RUNDC3B: variants seen among roughly 807,000 people sequenced by gnomAD.
RUNDC3B encodes RUN domain containing 3B, also known as RUN domain-containing protein 3B.
RUNDC3B carries 33 observed loss-of-function variants against 58.4 expected under a neutral mutation model. That is an observed-to-expected ratio of 0.56 (90% CI 0.43 to 0.75). The LOEUF is 0.75. Ranked by LOEUF, RUNDC3B falls within the 30% of genes least tolerant of loss-of-function variation. The pLI is 0.00. For synonymous variants in RUNDC3B, 193 were observed against 195.2 expected (o/e 0.99, Z 0.10); for missense variants, 501 against 535.7 (o/e 0.94, Z 0.64).
intron 2 of RUNDC3B, chr7:87,693,989 T>C (rs1480731227): frequency 5.6e-6 from 9 of 1,610,648 alleles, no homozygotes; most frequent in Non-Finnish European, 7.6e-6. Flanking sequence ...CTCCCGCCAC[T>C]GAGCTGCACG....
intron 8 of RUNDC3B, among the ~76,000 whole-genome samples, chr7:87,784,705 T>TAGGGGAGATGTGGTG (rs1191209501): frequency 9.3e-6 from 1 of 107,768 alleles, no homozygotes; most frequent in Non-Finnish European, 1.8e-5. Flanking sequence ...GATGTGGTGG[T>TAGGGGAGATGTGGTG]AGGGGAGATG....
chr7:87,735,330 A>T lies in RUNDC3B; in HGVS notation c.459-4461A>T, dbSNP rs146379833. On this transcript the variant is annotated intron_variant, in intron 4 of 10. Coordinates refer to ENST00000394654, the MANE Select transcript of RUNDC3B (RefSeq NM_001134405.2). ...TCTTACAGTCATCTAGACCTCTTTT[A>T]TCTGTTGCCTAAGGCTCACCTGTTG... 2.1e-3 allele frequency among the ~76,000 whole-genome samples: 327 copies of T among 152,186 alleles called. 1 individual carries two copies. Among genetic ancestry groups the T allele is most frequent in the African/African-American group, 7.0e-3 (292 of 41,514 alleles).
intron 4 of RUNDC3B, among the ~76,000 whole-genome samples, chr7:87,721,198 T>TA (rs1252697060): frequency 6.6e-6 from 1 of 151,544 alleles, no homozygotes; most frequent in Non-Finnish European, 1.5e-5. Flanking sequence ...AATAAAAGTA[T>TA]AAAAAAACTA....
At chr7:87,714,681 G>A (rs1329303529) in intron 4 of RUNDC3B, among the ~76,000 whole-genome samples, 1 of 152,122 alleles carries the variant, frequency 6.6e-6, no homozygotes, top group Non-Finnish European at 1.5e-5. Flanking sequence ...TTCTCAGAAA[G>A]GAGTATGCCT....
At chr7:87,683,485 A>G (rs745479802) in intron 2 of RUNDC3B, among the ~76,000 whole-genome samples, 23 of 152,172 alleles carry the variant, frequency 1.5e-4, no homozygotes, top group Non-Finnish European at 7.4e-5. Context: ...AGGCCATTAT[A>G]GGATTATTAA....
At chr7:87,666,743 G>C (rs1202456500) in intron 2 of RUNDC3B, among the ~76,000 whole-genome samples, 1 of 152,012 alleles carries the variant, frequency 6.6e-6, no homozygotes, top group Non-Finnish European at 1.5e-5. Flanking sequence ...TATTGATTAG[G>C]AGTATTTTCC....
intron 8 of RUNDC3B, among the ~76,000 whole-genome samples, chr7:87,778,421 T>C (rs910956405): frequency 1.4e-5 from 2 of 142,780 alleles, no homozygotes; most frequent in African/African-American, 5.3e-5. Flanking sequence ...CCACTCTGGC[T>C]GACAGAGCAA....
intron 6 of RUNDC3B, among the ~76,000 whole-genome samples, chr7:87,768,417 G>T (rs1834090964): frequency 2.6e-5 from 4 of 152,190 alleles, no homozygotes; most frequent in Admixed American, 2.6e-4. Flanking sequence ...AAATGTTTGT[G>T]GGGAATCTGG....
intron 8 of RUNDC3B, among the ~76,000 whole-genome samples, chr7:87,792,597 C>T (rs1835586065): frequency 6.6e-6 from 1 of 151,974 alleles, no homozygotes; most frequent in Non-Finnish European, 1.5e-5. Flanking sequence ...AATTGATATA[C>T]TCCTGAATGA....
chr7:87,711,760 A>G (rs1454293892), intron 4 of RUNDC3B, among the ~76,000 whole-genome samples: 1 of 152,302 alleles, frequency 6.6e-6, no homozygotes, highest in East Asian at 1.9e-4. Flanking sequence ...CATGTAGCTA[A>G]TGGTAACCCA....
intron 4 of RUNDC3B, among the ~76,000 whole-genome samples, chr7:87,714,829 C>T (rs531592788): frequency 6.6e-6 from 1 of 152,162 alleles, no homozygotes; most frequent in African/African-American, 2.4e-5. Context: ...ATTCCTAGAG[C>T]TATGAACATC....
chr7:87,751,318 C>T (rs1213015597), intron 6 of RUNDC3B, among the ~76,000 whole-genome samples: 3 of 152,080 alleles, frequency 2.0e-5, no homozygotes, highest in East Asian at 1.9e-4. Context: ...TAGTGTGATG[C>T]CTCCAGCTTT....
intron 1 of RUNDC3B, among the ~76,000 whole-genome samples, chr7:87,639,066 G>T (rs567822371): frequency 6.6e-5 from 10 of 151,370 alleles, no homozygotes; most frequent in African/African-American, 2.2e-4. Context: ...GCAGGAGAAT[G>T]GTGTAAACCC....
chr7:87,711,277 GATTGAGCC>G (rs11278061), intron 4 of RUNDC3B, among the ~76,000 whole-genome samples: 2,058 of 152,112 alleles, frequency 0.014, 46 homozygotes, highest in African/African-American at 0.047. Flanking sequence ...GGAGAGCCGA[GATTGAGCC>G]ATTGCACCGC....
At chr7:87,682,408 T>A (rs1827015210) in intron 2 of RUNDC3B, among the ~76,000 whole-genome samples, 1 of 152,204 alleles carries the variant, frequency 6.6e-6, no homozygotes, top group Non-Finnish European at 1.5e-5. Context: ...CCCAGATCCA[T>A]CAGAAGACTC....
chr7:87,825,902 G>A (rs1327572021), intron 10 of RUNDC3B, among the ~76,000 whole-genome samples: 1 of 152,196 alleles, frequency 6.6e-6, no homozygotes, highest in Non-Finnish European at 1.5e-5. Flanking sequence ...TGGAACAGCT[G>A]TATCTACCCA....
chr7:87,638,671 A>G (rs1822091992), intron 1 of RUNDC3B, among the ~76,000 whole-genome samples: 1 of 151,722 alleles, frequency 6.6e-6, no homozygotes, highest in South Asian at 2.1e-4. Flanking sequence ...TATTGTTTGA[A>G]AGATCTGTAG....
chr7:87,684,641 A>G (rs1303120386), intron 2 of RUNDC3B, among the ~76,000 whole-genome samples: 2 of 149,258 alleles, frequency 1.3e-5, no homozygotes, highest in Non-Finnish European at 3.0e-5. Flanking sequence ...CCAGCTACGC[A>G]GGAGGCTGAG....
At chr7:87,681,347 C>G (rs190516170) in intron 2 of RUNDC3B, among the ~76,000 whole-genome samples, 1 of 150,498 alleles carries the variant, frequency 6.6e-6, no homozygotes, top group Admixed American at 6.6e-5. Context: ...TAGCCTGATA[C>G]AAAATTAGAC....
Sources: gnomAD v4.1 joint callset for allele counts (sites outside exome capture counted in the v4.1 genomes callset) on GRCh38, gnomAD v4.1.1 for gene constraint, MANE v1.5 for transcripts, NCBI Gene and HGNC (gene_info 2026-07-23, HGNC 2026-07-21) for gene names.